Variants in PCDHGA12 observed in about 807,000 individuals in gnomAD.
The protein encoded by PCDHGA12 is protocadherin gamma subfamily A, 12.
Under a neutral mutation model 61.1 loss-of-function variants are expected in PCDHGA12, and 43 were observed. The ratio of observed to expected loss-of-function variants is 0.70; its 90% CI spans 0.55 to 0.91. The LOEUF (loss-of-function observed/expected upper bound fraction) is 0.91. Among genes scored for constraint, PCDHGA12 ranks in the 40% least tolerant of loss-of-function variants. PCDHGA12 has a pLI of 0.00. For missense variants in PCDHGA12, 1,236 were observed against 1,227.7 expected, an observed-to-expected ratio of 1.01 and a Z score of -0.10; for synonymous variants, 520 against 542.9, an observed-to-expected ratio of 0.96 and a Z score of 0.59.
chr5:141,458,609 A>T (rs1037852455), intron 1 of PCDHGA12, among the ~76,000 whole-genome samples: 1 of 152,004 alleles, frequency 6.6e-6, no homozygotes, highest in Non-Finnish European at 1.5e-5. Flanking sequence ...TCACTCTGTC[A>T]GCCAGGCTGG....
chr5:141,476,453 G>C lies in PCDHGA12; in HGVS notation c.2425-18354G>C. On this transcript the variant is annotated intron_variant, in intron 1 of 3. Coordinates refer to ENST00000252085, the MANE Select transcript of PCDHGA12 (RefSeq NM_003735.3). This position sits in a 1 kb window ranked among gnomAD's most constrained non-coding sequence, Gnocchi z 7.6. The stretch of plus-strand genomic sequence containing the variant: ...CACTGTAACTCTGGAGTTGGTAGTG[G>C]AGAACCCGCTGGAGCTGTTCAGCGT... 2 of 1,614,138 alleles carry C rather than the reference G, an allele frequency of 1.2e-6. No homozygotes were observed. Among genetic ancestry groups the C allele is most frequent in the Non-Finnish European group, 1.7e-6 (2 of 1,180,022 alleles).
intron 1 of PCDHGA12, chr5:141,478,227 G>A: frequency 6.2e-7 from 1 of 1,614,104 alleles, no homozygotes; most frequent in Non-Finnish European, 8.5e-7. Context: ...GTTTCTGTGG[G>A]GTTTGTGGTC....
At chr5:141,501,290 TACACACACACACACACAC>T (rs55762287) in intron 2 of PCDHGA12, among the ~76,000 whole-genome samples, 6 of 136,162 alleles carry the variant, frequency 4.4e-5, no homozygotes, top group South Asian at 2.4e-4. Flanking sequence ...TATTCCCTTA[TACACACACACACACACAC>T]ACACACACAC....
chr5:141,495,109 C>A (rs1445945970), intron 2 of PCDHGA12, among the ~76,000 whole-genome samples: 3 of 152,278 alleles, frequency 2.0e-5, no homozygotes, highest in South Asian at 2.1e-4. Context: ...CGACCGGCAC[C>A]TTTTCCTATC....
At chr5:141,449,101 G>A (rs1020443363) in intron 1 of PCDHGA12, among the ~76,000 whole-genome samples, 2 of 152,144 alleles carry the variant, frequency 1.3e-5, no homozygotes, top group African/African-American at 2.4e-5. Flanking sequence ...TACATATGCA[G>A]TATATCTTTG....
intron 1 of PCDHGA12, among the ~76,000 whole-genome samples, chr5:141,450,006 C>CTATTTTTTTTTT (rs70988802): frequency 7.5e-6 from 1 of 132,986 alleles, no homozygotes. Context: ...TGCCATGTCT[C>CTATTTTTTTTTT]TTTTTTTTTT....
intron 1 of PCDHGA12, among the ~76,000 whole-genome samples, chr5:141,438,611 TATATATATATATATATATATATATAC>T (rs1451681129): frequency 0.1 from 4,016 of 39,372 alleles, 166 homozygotes; most frequent in Middle Eastern, 0.18. Context: ...TATATATATA[TATATATATATATATATATATATATAC>T]ACACACACAC....
chr5:141,495,973 A>C (rs2099764953), intron 2 of PCDHGA12, among the ~76,000 whole-genome samples: 1 of 146,988 alleles, frequency 6.8e-6, no homozygotes, highest in African/African-American at 2.5e-5. Context: ...TTTCTCTGTT[A>C]CTCTTTCTTT....
At chr5:141,473,039 A>G (rs1593411714) in intron 1 of PCDHGA12, among the ~76,000 whole-genome samples, 1 of 152,016 alleles carries the variant, frequency 6.6e-6, no homozygotes, top group East Asian at 1.9e-4. Context: ...GGAAGGAAAG[A>G]AAGAAAGAAG....
rs757663132 is a variant in PCDHGA12 at position 141,510,991 on chromosome 5, A to G, written c.2617A>G (p.Met873Val). ...CACCCTGGGAGGGGGTGCCGGCACC[A>G]TGGGATTGAGCGCCCGCTACGGACC... is the stretch of plus-strand genomic sequence containing the variant. ...SSTLGGGAGT[M>V]GLSARYGPQF... is the part of the protein sequence containing the mutation. Residue 873 changes from methionine (M) to valine (V), a missense_variant, in exon 4 of 4, where the codon ATG becomes GTG. Coordinates refer to ENST00000252085, the MANE Select transcript of PCDHGA12 (RefSeq NM_003735.3). 1.2e-6 allele frequency: 2 copies of G among 1,614,136 alleles called. No individual in the cohort carries two copies. Among genetic ancestry groups the G allele is most frequent in the Admixed American group, 3.3e-5 (2 of 60,022 alleles).
intron 1 of PCDHGA12, among the ~76,000 whole-genome samples, chr5:141,472,992 A>G (rs2099309983): frequency 6.6e-6 from 1 of 151,994 alleles, no homozygotes; most frequent in South Asian, 2.1e-4. Context: ...AAAAAAAAAA[A>G]AAAAAGAAAG....
rs1053018756 is a variant in PCDHGA12, at chr5:141,497,630, G to T, written c.2483+2765G>T. ...TCTTGGCTCACTGCAACCTCTGCCT[G>T]CCAGGTTCAAGCGATTCTCCTGCCT... is the stretch of plus-strand genomic sequence containing the variant. On this transcript the variant is annotated intron_variant, in intron 2 of 3. Coordinates refer to ENST00000252085, the MANE Select transcript of PCDHGA12 (RefSeq NM_003735.3). 3.3e-5 allele frequency among the ~76,000 whole-genome samples: 5 copies of T among 150,256 alleles called. No homozygotes were observed. The Admixed American group carries it at 3.3e-4, about 10-fold the overall frequency.
At chr5:141,478,535 C>G (rs1359742091) in intron 1 of PCDHGA12, 1 of 1,607,794 alleles carries the variant, frequency 6.2e-7, no homozygotes, top group Non-Finnish European at 8.5e-7. Flanking sequence ...AGAGAGCGCC[C>G]CTCCCGGACA....
intron 1 of PCDHGA12, among the ~76,000 whole-genome samples, chr5:141,469,345 G>A (rs2099197832): frequency 6.6e-6 from 1 of 152,128 alleles, no homozygotes; most frequent in Non-Finnish European, 1.5e-5. Context: ...GGGAGGCTGA[G>A]GTGGATGGAT....
intron 1 of PCDHGA12, among the ~76,000 whole-genome samples, chr5:141,494,034 A>T (rs1206242414): frequency 1.3e-5 from 2 of 152,162 alleles, no homozygotes; most frequent in Non-Finnish European, 2.9e-5. Flanking sequence ...CTGGAGACTT[A>T]GTTGGCCCTG....
At position 141,433,069 on chromosome 5, in the gene PCDHGA12, C is replaced by G. The variant is rs561950316; in HGVS notation, c.2310C>G (p.Phe770Leu). The G allele has an allele frequency of 3.1e-6, 5 of 1,614,200 alleles. No homozygotes were observed. In the Admixed American group the frequency reaches 8.3e-5, roughly 27 times the overall value. Reference sequence around the variant, plus strand: ...ACTCGCGGAAGAGTCACCTGATCTTCCCCCAGCCCAACTATGCAGACATGC... The same window carrying G: ...ACTCGCGGAAGAGTCACCTGATCTTGCCCCAGCCCAACTATGCAGACATGC... ...TTDSRKSHLI[F>L]PQPNYADMLV... The change falls in exon 1 of 4, where the codon TTC becomes TTG. Residue 770 changes from phenylalanine to leucine, a missense_variant. Coordinates refer to ENST00000252085, the MANE Select transcript of PCDHGA12 (RefSeq NM_003735.3).
Position 141,485,684 on chromosome 5 carries a change from A to T in PCDHGA12, c.2425-9123A>T, listed in dbSNP as rs746176226. On this transcript the variant is annotated intron_variant, in intron 1 of 3. Transcript: ENST00000252085. The surrounding 1 kb of genome is among the most constrained non-coding windows in gnomAD (Gnocchi z 5.7). ...GGGGAGCAATTCGATTAGCAGCTAT[A>T]GGCTGAGCTCCAATGAACACTTTGC... 1 of 1,614,056 alleles carries T rather than the reference A, an allele frequency of 6.2e-7. No homozygotes were observed. The highest frequency in any genetic ancestry group is 1.1e-5 in the South Asian group (1 of 91,082).
At chr5:141,467,337 G>A (rs1018807977) in intron 1 of PCDHGA12, among the ~76,000 whole-genome samples, 1 of 152,162 alleles carries the variant, frequency 6.6e-6, no homozygotes, top group Admixed American at 6.6e-5. Flanking sequence ...AGAGACGTAA[G>A]CCACTGCCCC....
In PCDHGA12 at chr5:141,432,518, C is replaced by T. The variant is rs1314948517; in HGVS notation, c.1759C>T (p.Leu587=). 6.2e-7 allele frequency: 1 copy of T among 1,614,126 alleles called. No homozygotes were observed. The highest frequency in any genetic ancestry group is 8.5e-7 in the Non-Finnish European group (1 of 1,180,024). Residue 587 remains leucine (L), a synonymous_variant, in exon 1 of 4, where the codon CTG becomes TTG. Coordinates refer to ENST00000252085, the MANE Select transcript of PCDHGA12 (RefSeq NM_003735.3). This position sits in a 1 kb window ranked among gnomAD's most constrained non-coding sequence, Gnocchi z 6.0. The stretch of plus-strand genomic sequence containing the variant: ...TCCCCGCTCCGCAGAGCCCGGCTAC[C>T]TGGTGACCAAGGTGGTGGCGGTGGA... ...LAPRSAEPGY[L]VTKVVAVDRD...
Sources: allele counts gnomAD v4.1 joint callset (sites outside exome capture counted in the v4.1 genomes callset), GRCh38; gene constraint gnomAD v4.1.1; non-coding constraint Gnocchi (gnomAD v3.1); transcripts MANE v1.5; gene names NCBI Gene and HGNC (gene_info 2026-07-23, HGNC 2026-07-21).